Variants in CACHD1 observed in about 807,000 individuals in gnomAD.
CACHD1 encodes the protein VWFA and cache domain-containing protein 1.
CACHD1 carries 71 observed loss-of-function variants against 138.7 expected under a neutral mutation model. The ratio of observed to expected loss-of-function variants is 0.51; its 90% CI spans 0.42 to 0.62. The LOEUF (loss-of-function observed/expected upper bound fraction) is 0.62, where lower values mean the gene tolerates loss of function less well. Ranked by LOEUF, CACHD1 falls within the 20% of genes least tolerant of loss-of-function variation. The probability of loss-of-function intolerance (pLI) is 0.00; values close to 1 mark genes in which losing one functional copy is unlikely to be tolerated. For synonymous variants in CACHD1, 578 were observed against 591.5 expected (o/e 0.98, Z 0.33); for missense variants, 1,389 against 1,625.3 (o/e 0.85, Z 2.50).
chr1:64,573,197 G>A (rs1218011642), intron 2 of CACHD1, among the ~76,000 whole-genome samples: 2 of 152,174 alleles, frequency 1.3e-5, no homozygotes, highest in African/African-American at 4.8e-5. Flanking sequence ...GGTTAGATGA[G>A]GCCGTGAGGG....
chr1:64,629,199 G>A (rs1002627070), intron 4 of CACHD1, among the ~76,000 whole-genome samples, 156 bp from the exon 5 acceptor site: 4 of 152,100 alleles, frequency 2.6e-5, no homozygotes, highest in Admixed American at 2.0e-4. Flanking sequence ...TTTTTTAAGG[G>A]GCAGAAAGCA....
intron 1 of CACHD1, among the ~76,000 whole-genome samples, chr1:64,495,591 C>T (rs978631164): frequency 4.8e-4 from 73 of 152,152 alleles, no homozygotes; most frequent in African/African-American, 1.7e-3. Flanking sequence ...ATAAACTTTG[C>T]CCTCAGTTCT....
Position 64,681,541 on chromosome 1 carries a change from G to GGTTTTTTTTTTTTTTTTTTTTTTTT in CACHD1, c.3484+206_3484+207insGTTTTTTTTTTTTTTTTTTTTTTTT, listed in dbSNP as rs1553146851. Among the ~76,000 whole-genome samples, 19 of 68,142 alleles carry GGTTTTTTTTTTTTTTTTTTTTTTTT rather than the reference G, an allele frequency of 2.8e-4. 2 individuals are homozygous for GGTTTTTTTTTTTTTTTTTTTTTTTT. The highest frequency in any genetic ancestry group is 1.3e-3 in the African/African-American group (18 of 13,654). 44.7% of individuals were successfully genotyped at this position (68,142 alleles called of 152,430 possible). On this transcript the variant is annotated intron_variant, in intron 25 of 26. Coordinates refer to ENST00000651257, the MANE Select transcript of CACHD1 (RefSeq NM_020925.4). The stretch of plus-strand genomic sequence containing the variant: ...AGAGAATCTCAAAAGATTTTATTGT[G>GGTTTTTTTTTTTTTTTTTTTTTTTT]TTTTTTTTTTTTTTTTTTTTTTTGC...
In CACHD1 at chr1:64,663,744, G is replaced by C; in HGVS notation, c.2001G>C (p.Glu667Asp). The change falls in exon 14 of 27, where the codon GAG (glutamate) becomes GAC (aspartate). Residue 667 changes from glutamate to aspartate, a missense_variant. By Grantham distance (45) the Glu-to-Asp change is conservative. Transcript: ENST00000651257. ...CTGGCAGCTTTTCCTCCCCCTATGA[G>C]CACCTCAGCCAGCCAGAGACAAAGC... ...LSAGSFSSPYEHLSQPETKRM... is the reference protein window; with the variant it reads ...LSAGSFSSPYDHLSQPETKRM... The C allele has an allele frequency of 6.2e-7, 1 of 1,613,928 alleles. No individual in the cohort carries two copies. Among genetic ancestry groups the C allele is most frequent in the Non-Finnish European group, 8.5e-7 (1 of 1,179,976 alleles).
intron 2 of CACHD1, among the ~76,000 whole-genome samples, chr1:64,561,999 A>C (rs527283380): frequency 1.3e-5 from 2 of 152,222 alleles, no homozygotes; most frequent in South Asian, 4.1e-4. Flanking sequence ...GTTTCTGATG[A>C]TAAATCAGTG....
chr1:64,488,675 A>G (rs1007160311), intron 1 of CACHD1, among the ~76,000 whole-genome samples: 1 of 151,930 alleles, frequency 6.6e-6, no homozygotes, highest in Non-Finnish European at 1.5e-5. Context: ...TTGTGTAGAT[A>G]AACATTGAGC....
At chr1:64,526,845 G>A (rs953578950) in intron 1 of CACHD1, among the ~76,000 whole-genome samples, 3 of 152,158 alleles carry the variant, frequency 2.0e-5, no homozygotes, top group African/African-American at 7.2e-5. Flanking sequence ...TTTTGTCACT[G>A]AGTGGTAGAG....
At chr1:64,663,479 A>T (rs1649514782) in intron 13 of CACHD1, among the ~76,000 whole-genome samples, 1 of 149,336 alleles carries the variant, frequency 6.7e-6, no homozygotes, top group Non-Finnish European at 1.5e-5. Context: ...GGAACCCAGG[A>T]GGCGGAGTTT....
intron 1 of CACHD1, among the ~76,000 whole-genome samples, chr1:64,500,857 G>A (rs1367629301): frequency 1.3e-5 from 2 of 151,838 alleles, no homozygotes; most frequent in Non-Finnish European, 2.9e-5. Flanking sequence ...AGACCTGCTT[G>A]GCCAACATGG....
intron 1 of CACHD1, among the ~76,000 whole-genome samples, chr1:64,541,808 C>T (rs1646679412): frequency 6.6e-6 from 1 of 152,276 alleles, no homozygotes; most frequent in Admixed American, 6.5e-5. Context: ...CTCCATCCAC[C>T]TGGGTGATAA....
intron 1 of CACHD1, among the ~76,000 whole-genome samples, chr1:64,502,566 G>T (rs1646346457): frequency 6.6e-6 from 1 of 152,106 alleles, no homozygotes; most frequent in Admixed American, 6.5e-5. Flanking sequence ...ATGTGTGTGT[G>T]TGTGCATGTG....
chr1:64,659,898 G>C (rs1325125012), intron 13 of CACHD1, among the ~76,000 whole-genome samples: 2 of 152,200 alleles, frequency 1.3e-5, no homozygotes, highest in African/African-American at 4.8e-5. Flanking sequence ...TAGCACTCGT[G>C]TTTGTGTTCC....
chr1:64,630,391 C>G lies in CACHD1; in HGVS notation c.644+910C>G, dbSNP rs140753444. Among the ~76,000 whole-genome samples the G allele has an allele frequency of 9.7e-3, 1,466 of 151,766 alleles. 23 individuals carry two copies. The highest frequency in any genetic ancestry group is 0.033 in the African/African-American group (1,374 of 41,312). On this transcript the variant is annotated intron_variant, in intron 5 of 26. Coordinates refer to ENST00000651257, the MANE Select transcript of CACHD1 (RefSeq NM_020925.4). Reference sequence around the variant, plus strand: ...GATCTCAGCTCTGCAAACTCTGCCTCCCGGGTTCAAGCGATTCTCCTGCCT... The same window carrying G: ...GATCTCAGCTCTGCAAACTCTGCCTGCCGGGTTCAAGCGATTCTCCTGCCT...
At chr1:64,481,111 G>A (rs1646209317) in intron 1 of CACHD1, among the ~76,000 whole-genome samples, 2 of 152,114 alleles carry the variant, frequency 1.3e-5, no homozygotes, top group South Asian at 4.1e-4. Context: ...CCAGAGTGGG[G>A]AATGTAAAAA....
rs202018429 is a variant in CACHD1 at position 64,522,725 on chromosome 1, T to TA, written c.199-27860dup. Among the ~76,000 whole-genome samples the TA allele has an allele frequency of 6.4e-3, 972 of 151,188 alleles. 9 individuals carry two copies. The highest frequency in any genetic ancestry group is 0.022 in the African/African-American group (899 of 41,234). Reference sequence around the variant, plus strand: ...GTCTGAAATTTTTTCAAAAGAAACTTAAAAAAAAAGTCCTTGAGGCATAGG... The same window carrying TA: ...GTCTGAAATTTTTTCAAAAGAAACTTAAAAAAAAAAGTCCTTGAGGCATAGG... On this transcript the variant is annotated intron_variant, in intron 1 of 26. Coordinates refer to ENST00000651257, the MANE Select transcript of CACHD1 (RefSeq NM_020925.4).
intron 3 of CACHD1, among the ~76,000 whole-genome samples, chr1:64,585,570 G>A (rs1290691776): frequency 1.3e-5 from 2 of 152,198 alleles, no homozygotes; most frequent in East Asian, 3.8e-4. Flanking sequence ...CTGACCAGGA[G>A]TAGTTGACAG....
intron 10 of CACHD1, among the ~76,000 whole-genome samples, chr1:64,653,478 TG>T (rs1335450531): frequency 6.6e-6 from 1 of 152,084 alleles, no homozygotes; most frequent in Non-Finnish European, 1.5e-5. Flanking sequence ...TTAAGATTTA[TG>T]TGGTAGATTA....
At chr1:64,507,195 C>T (rs190568407) in intron 1 of CACHD1, among the ~76,000 whole-genome samples, 1 of 152,322 alleles carries the variant, frequency 6.6e-6, no homozygotes. Flanking sequence ...AGCTACCTCC[C>T]CGGAACCTCT....
At position 64,651,537 on chromosome 1, in the gene CACHD1, C is replaced by T. The variant is rs542461050; in HGVS notation, c.1391-624C>T. 2.2e-4 allele frequency among the ~76,000 whole-genome samples: 33 copies of T among 152,242 alleles called. No individual in the cohort carries two copies. In the South Asian group the frequency reaches 6.6e-3, roughly 31 times the overall value. On this transcript the variant is annotated intron_variant, in intron 9 of 26. Coordinates refer to ENST00000651257, the MANE Select transcript of CACHD1 (RefSeq NM_020925.4). ...AGACACAGTGGCTCATCCCCATAGT[C>T]CCAGCTACTTGAGAGACTGAGGAGG... is the stretch of plus-strand genomic sequence containing the variant.
Sources: gnomAD v4.1 joint callset for allele counts (sites outside exome capture counted in the v4.1 genomes callset) on GRCh38, gnomAD v4.1.1 for gene constraint, MANE v1.5 for transcripts, NCBI Gene and HGNC (gene_info 2026-07-23, HGNC 2026-07-21) for gene names.